Variants in ZNF236 observed in about 807,000 individuals in gnomAD.
ZNF236 encodes the protein zinc finger protein 236.
ZNF236 carries 50 observed loss-of-function variants against 191.2 expected under a neutral mutation model. That is an observed-to-expected ratio of 0.26 (90% CI 0.21 to 0.33). The LOEUF (loss-of-function observed/expected upper bound fraction) is 0.33, where lower values mean the gene tolerates loss of function less well. Among genes scored for constraint, ZNF236 ranks in the 10% least tolerant of loss-of-function variants. The probability of loss-of-function intolerance (pLI) is 1.00; values close to 1 mark genes in which losing one functional copy is unlikely to be tolerated. For missense variants in ZNF236, 1,754 were observed against 2,374.5 expected (o/e 0.74, Z 5.43); for synonymous variants, 907 against 928.8 (o/e 0.98, Z 0.43).
chr18:76,921,648 A>G (rs1282792884), intron 20 of ZNF236, among the ~76,000 whole-genome samples: 1 of 151,814 alleles, frequency 6.6e-6, no homozygotes, highest in Non-Finnish European at 1.5e-5. Flanking sequence ...GTGCCAGCCA[A>G]TTAGCAGAGA....
intron 10 of ZNF236, 128 bp downstream of exon 10, chr18:76,895,413 A>G: frequency 7.7e-7 from 1 of 1,299,120 alleles, no homozygotes. Context: ...TACTGCTCAC[A>G]GGGACTGCAC....
chr18:76,895,346 G>A (rs1225253486), intron 10 of ZNF236, 61 bp downstream of exon 10: 19 of 1,578,322 alleles, frequency 1.2e-5, no homozygotes, highest in African/African-American at 9.4e-5. Context: ...ACATTACTGC[G>A]CACATATACC....
At chr18:76,892,168 GTTTTTTTTT>G (rs34870901) in intron 9 of ZNF236, among the ~76,000 whole-genome samples, 3 of 52,776 alleles carry the variant, frequency 5.7e-5, no homozygotes, top group African/African-American at 1.3e-4. Flanking sequence ...TTTCTTCTGG[GTTTTTTTTT>G]TTTTTTTTTT....
At chr18:76,893,400 TCCATTTTTACCC>T (rs1287770143) in intron 9 of ZNF236, among the ~76,000 whole-genome samples, 2 of 152,232 alleles carry the variant, frequency 1.3e-5, no homozygotes, top group Non-Finnish European at 2.9e-5. Flanking sequence ...TATTTCCTTC[TCCATTTTTACCC>T]CCGTGATTTG....
chr18:76,920,197 T>G (rs1967495570), intron 20 of ZNF236, 139 bp downstream of exon 20: 1 of 980,350 alleles, frequency 1.0e-6, no homozygotes, highest in Non-Finnish European at 1.5e-6. Flanking sequence ...CTTACTTACT[T>G]GAATGTATGG....
chr18:76,864,882 A>G (rs908350487), intron 3 of ZNF236, among the ~76,000 whole-genome samples: 5 of 152,096 alleles, frequency 3.3e-5, no homozygotes, highest in African/African-American at 1.2e-4. Flanking sequence ...GTACTCGAAA[A>G]TACTACTAAT....
At chr18:76,929,089 G>T (rs1343867679) in intron 25 of ZNF236, among the ~76,000 whole-genome samples, 1 of 149,230 alleles carries the variant, frequency 6.7e-6, no homozygotes. Context: ...TGAAGGGCAG[G>T]ATTTCTGCTG....
chr18:76,837,437 C>CTTTTTCT lies in ZNF236; in HGVS notation c.56-12084_56-12083insCTTTTTT, dbSNP rs373709641. Among the ~76,000 whole-genome samples the CTTTTTCT allele has an allele frequency of 1.1e-3, 116 of 105,888 alleles. 1 individual carries two copies. The highest frequency in any genetic ancestry group is 1.1e-3 in the Non-Finnish European group (57 of 52,684). The allele number at this position is 105,888 out of a possible 152,430, so 69.5% of individuals were successfully genotyped here. On this transcript the variant is annotated intron_variant, in intron 1 of 30. Coordinates refer to ENST00000320610, the MANE Select transcript of ZNF236 (RefSeq NM_001306089.2). ...AATTCCTTTTTTTCTTTTTCTTTTT[C>CTTTTTCT]TTTTTTTTTTTTTTTTTTTTGAGAC...
At chr18:76,907,396 C>G (rs895262450) in intron 13 of ZNF236, among the ~76,000 whole-genome samples, 3 of 152,214 alleles carry the variant, frequency 2.0e-5, no homozygotes, top group African/African-American at 7.2e-5. Flanking sequence ...CTCTGTTGCC[C>G]AGGCTGGAGT....
Position 76,908,499 on chromosome 18 carries a change from C to T in ZNF236, c.2477C>T (p.Pro826Leu), listed in dbSNP as rs748682524. Residue 826 changes from proline (P) to leucine (L), a missense_variant, in exon 14 of 31, where the codon CCT becomes CTT. Coordinates refer to ENST00000320610, the MANE Select transcript of ZNF236 (RefSeq NM_001306089.2). ...ANPEAMLDLE[P>L]QHVVGTEEAG... The stretch of plus-strand genomic sequence containing the variant: ...CCCGAGGCCATGCTGGACCTGGAGC[C>T]TCAGCATGTGGTGGGCACGGAGGAA... The T allele has an allele frequency of 6.2e-7, 1 of 1,614,060 alleles. No homozygotes were observed. The highest frequency in any genetic ancestry group is 8.5e-7 in the Non-Finnish European group (1 of 1,180,034).
rs1211239996 is a variant in ZNF236, at chr18:76,871,803, G to A, written c.645G>A (p.Thr215=). Residue 215 remains threonine (T), a synonymous_variant, in exon 5 of 31, where the codon ACG becomes ACA. Coordinates refer to ENST00000320610, the MANE Select transcript of ZNF236 (RefSeq NM_001306089.2). ...GKTFQKPSQL[T]RHIRIHTGER... is the part of the protein sequence containing the mutation. ...CGTTTCAAAAGCCAAGCCAGTTAAC[G>A]CGACACATTAGGATACACACAGGTA... is the stretch of plus-strand genomic sequence containing the variant. 1.9e-6 allele frequency: 3 copies of A among 1,614,204 alleles called. No individual in the cohort carries two copies. Among genetic ancestry groups the A allele is most frequent in the Admixed American group, 1.7e-5 (1 of 60,018 alleles).
intron 3 of ZNF236, among the ~76,000 whole-genome samples, chr18:76,861,464 A>G (rs1976221344): frequency 6.6e-6 from 1 of 152,194 alleles, no homozygotes; most frequent in South Asian, 2.1e-4. Flanking sequence ...CGGCTGCGAA[A>G]TAGTGTTGAG....
At chr18:76,957,717 C>T (rs962127069) in intron 28 of ZNF236, among the ~76,000 whole-genome samples, 11 of 152,154 alleles carry the variant, frequency 7.2e-5, no homozygotes, top group African/African-American at 2.4e-4. Flanking sequence ...CTCTACGGGT[C>T]CATGTGTTCT....
chr18:76,959,148 T>G (rs529808781), intron 28 of ZNF236, among the ~76,000 whole-genome samples: 1 of 152,364 alleles, frequency 6.6e-6, no homozygotes, highest in African/African-American at 2.4e-5. Context: ...TAAAAGCCTC[T>G]GTCGTATCAC....
chr18:76,946,576 G>A (rs1968269161), intron 26 of ZNF236, among the ~76,000 whole-genome samples: 5 of 152,336 alleles, frequency 3.3e-5, no homozygotes, highest in Admixed American at 2.0e-4. Flanking sequence ...TTTTAACTGT[G>A]TGTAAAATAT....
intron 6 of ZNF236, 53 bp from the exon 7 acceptor site, chr18:76,877,956 T>A: frequency 7.1e-7 from 1 of 1,407,954 alleles, no homozygotes; most frequent in Non-Finnish European, 9.7e-7. Flanking sequence ...TTTAGATGTT[T>A]AAATTTAACA....
At chr18:76,895,332 A>G (rs1247920515) in intron 10 of ZNF236, 47 bp downstream of exon 10, 1 of 1,590,240 alleles carries the variant, frequency 6.3e-7, no homozygotes, top group Middle Eastern at 1.7e-4. Flanking sequence ...CACGGGGGCC[A>G]CACACATTAC....
In ZNF236 at chr18:76,912,244, A is replaced by G. The variant is rs1219881216; in HGVS notation, c.2806A>G (p.Thr936Ala). ...QAPSSDGMNV[T>A]TRLIQESSQE... is the part of the protein sequence containing the mutation. ...GCTTTATACTTCTCTTAAATTTTAG[A>G]CAACTCGCTTGATTCAGGAGTCATC... The change falls in exon 17 of 31, where the codon ACA (threonine) becomes GCA (alanine). Residue 936 changes from threonine to alanine, a missense_variant and splice_region_variant. This residue lies in a region of ZNF236 where 641 missense variants were observed against 869.6 expected (regional missense o/e 0.74). Transcript: ENST00000320610. 4.3e-6 allele frequency: 7 copies of G among 1,612,188 alleles called. No individual in the cohort carries two copies. The highest frequency in any genetic ancestry group is 5.9e-6 in the Non-Finnish European group (7 of 1,179,078).
At chr18:76,901,724 C>G (rs1285527013) in intron 11 of ZNF236, among the ~76,000 whole-genome samples, 1 of 151,864 alleles carries the variant, frequency 6.6e-6, no homozygotes, top group Non-Finnish European at 1.5e-5. Context: ...CACCACTGGA[C>G]TCCAGCCTGG....
Sources: gnomAD v4.1 joint callset for allele counts (sites outside exome capture counted in the v4.1 genomes callset) on GRCh38, gnomAD v4.1.1 for gene constraint, gnomAD v4.1.1 regional missense constraint, MANE v1.5 for transcripts, NCBI Gene and HGNC (gene_info 2026-07-23, HGNC 2026-07-21) for gene names.